UTS2: variants seen among roughly 807,000 people sequenced by gnomAD.
The protein encoded by UTS2 is urotensin-2.
In UTS2, 10 loss-of-function variants were observed where a neutral mutation model predicts 12.6. That is an observed-to-expected ratio of 0.80 (90% CI 0.49 to 1.35). UTS2 has a LOEUF of 1.35. Ranked by LOEUF, UTS2 falls within the 40% of genes most tolerant of loss-of-function variation. The pLI, the probability that UTS2 is intolerant of heterozygous loss-of-function variation, is 0.00. For synonymous variants in UTS2, 52 were observed against 50.0 expected (o/e 1.04, Z -0.17); for missense variants, 142 against 143.2 (o/e 0.99, Z 0.04).
the UTS2 span, among the ~76,000 whole-genome samples, chr1:7,866,500 A>G: frequency 1.3e-5 from 2 of 152,162 alleles, no homozygotes; most frequent in African/African-American, 4.8e-5. The surrounding 1 kb of genome is among the most constrained non-coding windows in gnomAD (Gnocchi z 4.5). Context: ...CCAGCTTCAG[A>G]GTCATGTCCT....
At chr1:7,895,369 C>A in the UTS2 span, among the ~76,000 whole-genome samples, 7,237 of 150,186 alleles carry the variant, frequency 0.048, 568 homozygotes, top group African/African-American at 0.16. Flanking sequence ...GACTCCATCC[C>A]AAAAAAATAA....
chr1:7,910,993 T>C, the UTS2 span, among the ~76,000 whole-genome samples: 1 of 151,922 alleles, frequency 6.6e-6, no homozygotes, highest in Non-Finnish European at 1.5e-5. Flanking sequence ...GCTCAAGCGA[T>C]CCTCCCATCT....
At chr1:7,872,821 C>T in the UTS2 span, among the ~76,000 whole-genome samples, 157 of 152,286 alleles carry the variant, frequency 1.0e-3, no homozygotes, top group African/African-American at 3.6e-3. Flanking sequence ...ACAGATTTTC[C>T]GTGTAGATAA....
chr1:7,901,871 G>A, the UTS2 span, among the ~76,000 whole-genome samples: 2 of 152,276 alleles, frequency 1.3e-5, no homozygotes, highest in East Asian at 3.9e-4. Context: ...TGTGAGGTCT[G>A]TAGGGAAAAG....
the UTS2 span, among the ~76,000 whole-genome samples, chr1:7,874,891 A>G: frequency 1.3e-5 from 2 of 151,920 alleles, no homozygotes; most frequent in Non-Finnish European, 2.9e-5. Context: ...TTCCTTCTTC[A>G]CACACACTCT....
chr1:7,906,683 A>G, the UTS2 span, among the ~76,000 whole-genome samples: 1 of 152,138 alleles, frequency 6.6e-6, no homozygotes, highest in Admixed American at 6.6e-5. Flanking sequence ...ATGAATGCCA[A>G]TATCAACACC....
At chr1:7,896,658 C>A in the UTS2 span, among the ~76,000 whole-genome samples, 1 of 151,294 alleles carries the variant, frequency 6.6e-6, no homozygotes, top group African/African-American at 2.4e-5. Context: ...TTCAATTTTT[C>A]TTTGACAATT....
the UTS2 span, among the ~76,000 whole-genome samples, chr1:7,902,955 C>G: frequency 6.6e-6 from 1 of 151,872 alleles, no homozygotes; most frequent in African/African-American, 2.4e-5. Flanking sequence ...TGTGGTAGAG[C>G]GTTTTTTGTT....
intron 1 of UTS2, among the ~76,000 whole-genome samples, chr1:7,851,582 G>C (rs1046159119): frequency 6.6e-6 from 1 of 152,130 alleles, no homozygotes; most frequent in African/African-American, 2.4e-5. Flanking sequence ...GCTGTGTTGC[G>C]ATTCGAGGCT....
At chr1:7,851,614 C>T (rs971122295) in intron 1 of UTS2, among the ~76,000 whole-genome samples, 3 of 152,102 alleles carry the variant, frequency 2.0e-5, no homozygotes, top group African/African-American at 7.2e-5. Flanking sequence ...GGTGGGAGGC[C>T]ATGTGTGGGA....
the UTS2 span, among the ~76,000 whole-genome samples, chr1:7,883,891 T>C: frequency 1.3e-5 from 2 of 152,194 alleles, no homozygotes; most frequent in South Asian, 4.2e-4. Flanking sequence ...CTCAGCTTAC[T>C]GCAACCTCCA....
the UTS2 span, among the ~76,000 whole-genome samples, chr1:7,912,303 C>T: frequency 6.6e-6 from 1 of 152,196 alleles, no homozygotes; most frequent in African/African-American, 2.4e-5. Context: ...TGGAGCTCAC[C>T]TGCCTCCACC....
At chr1:7,869,536 G>A in the UTS2 span, among the ~76,000 whole-genome samples, 3 of 152,192 alleles carry the variant, frequency 2.0e-5, no homozygotes, top group Non-Finnish European at 4.4e-5. Context: ...GCCTTTCTAG[G>A]GGACCTTGTG....
upstream of UTS2, among the ~76,000 whole-genome samples, chr1:7,856,173 C>T (rs1179940123): frequency 2.1e-5 from 3 of 146,122 alleles, no homozygotes; most frequent in Admixed American, 7.0e-5. Flanking sequence ...TAGGCAGACT[C>T]GATAAATATT....
At chr1:7,871,091 C>T in the UTS2 span, among the ~76,000 whole-genome samples, 1 of 152,246 alleles carries the variant, frequency 6.6e-6, no homozygotes, top group Non-Finnish European at 1.5e-5. Flanking sequence ...GCAGCCATCA[C>T]TGACATCAGC....
chr1:7,910,974 A>G, the UTS2 span, among the ~76,000 whole-genome samples: 2 of 151,680 alleles, frequency 1.3e-5, no homozygotes, highest in Non-Finnish European at 2.9e-5. Context: ...GCTAGTCGTG[A>G]ATGCCTGGGC....
At chr1:7,877,148 A>AAAAG in the UTS2 span, among the ~76,000 whole-genome samples, 5 of 103,712 alleles carry the variant, frequency 4.8e-5, no homozygotes, top group African/African-American at 7.2e-5. Flanking sequence ...AAAAAGAAAA[A>AAAAG]AAAAAGAAAC....
upstream of UTS2, among the ~76,000 whole-genome samples, chr1:7,853,835 C>G (rs1187365606): frequency 6.6e-6 from 1 of 152,240 alleles, no homozygotes; most frequent in African/African-American, 2.4e-5. Context: ...GCCTTCGGGC[C>G]TGCCACAGGC....
At chr1:7,863,087 T>C in the UTS2 span, among the ~76,000 whole-genome samples, 1,615 of 108,632 alleles carry the variant, frequency 0.015, 77 homozygotes, top group African/African-American at 0.058. Context: ...TGTATTGTAT[T>C]GTATTGTATT....
Sources: gnomAD v4.1 joint callset for allele counts (sites outside exome capture counted in the v4.1 genomes callset) on GRCh38, gnomAD v4.1.1 for gene constraint, Gnocchi (gnomAD v3.1) non-coding constraint, MANE v1.5 for transcripts, NCBI Gene and HGNC (gene_info 2026-07-23, HGNC 2026-07-21) for gene names.